The following RIMBP2 variants were observed in gnomAD, a reference collection of about 807,000 sequenced individuals.
The protein encoded by RIMBP2 is RIMS-binding protein 2.
Under a neutral mutation model 118.6 loss-of-function variants are expected in RIMBP2, and 48 were observed. That is an observed-to-expected ratio of 0.40 (90% CI 0.32 to 0.51). RIMBP2 has a LOEUF of 0.51. RIMBP2 is among the 20% of genes least tolerant of loss of function. RIMBP2 has a pLI of 0.41. For missense variants in RIMBP2, 1,551 were observed against 1,768.3 expected (o/e 0.88, Z 2.20); for synonymous variants, 762 against 742.9 (o/e 1.03, Z -0.42).
intron 2 of RIMBP2, among the ~76,000 whole-genome samples, chr12:130,568,944 A>T (rs1284554358): frequency 6.6e-6 from 1 of 152,136 alleles, no homozygotes; most frequent in Non-Finnish European, 1.5e-5. Flanking sequence ...CTCCTCACAC[A>T]GCCATTGTAA....
rs2076344119 is a variant in RIMBP2, at chr12:130,420,422, G to A, written c.3238+2031C>T. 6.6e-6 allele frequency among the ~76,000 whole-genome samples: 1 copy of A among 152,160 alleles called. No individual in the cohort carries two copies. Among genetic ancestry groups the A allele is most frequent in the South Asian group, 2.1e-4 (1 of 4,824 alleles). On this transcript the variant is annotated intron_variant, in intron 17 of 22. Transcript: ENST00000690449. This position sits in a 1 kb window ranked among gnomAD's most constrained non-coding sequence, Gnocchi z 4.3. The stretch of plus-strand genomic sequence containing the variant: ...CTTGTTAAGGTGTTGACATAGATTT[G>A]CTCTTTCACCCAATTTAACAAGTGT...
chr12:130,639,109 C>T (rs771449635), intron 1 of RIMBP2, among the ~76,000 whole-genome samples: 13 of 152,118 alleles, frequency 8.5e-5, no homozygotes, highest in African/African-American at 1.7e-4. Flanking sequence ...AAAGCCTGGC[C>T]GGGCACGGTG....
chr12:130,691,803 T>A (rs1046633688), intron 1 of RIMBP2, among the ~76,000 whole-genome samples: 2 of 152,180 alleles, frequency 1.3e-5, no homozygotes, highest in Non-Finnish European at 2.9e-5. Context: ...GTTCAGATGA[T>A]GTGCAAAATT....
rs1302820542 is a variant in RIMBP2 at position 130,587,752 on chromosome 12, C to T, written c.-217+40570G>A. The stretch of plus-strand genomic sequence containing the variant: ...CTAGATGACGAGTTAGTGGGTGCAG[C>T]GCACCAGCCTGGCACATGTATACAT... On this transcript the variant is annotated intron_variant, in intron 2 of 22. Transcript: ENST00000690449. Among the ~76,000 whole-genome samples, 8 of 135,708 alleles carry T rather than the reference C, an allele frequency of 5.9e-5. No homozygotes were observed. The Admixed American group carries it at 6.0e-4, about 10-fold the overall frequency. 89.0% of individuals were successfully genotyped at this position (135,708 alleles called of 152,430 possible).
chr12:130,478,124 C>A (rs1206226007), intron 5 of RIMBP2, among the ~76,000 whole-genome samples: 2 of 152,186 alleles, frequency 1.3e-5, no homozygotes, highest in Non-Finnish European at 2.9e-5. Context: ...CTTTCTCAGT[C>A]CCCAGACCCA....
chr12:130,642,908 G>T (rs551340821), intron 1 of RIMBP2, among the ~76,000 whole-genome samples: 26 of 152,294 alleles, frequency 1.7e-4, no homozygotes, highest in African/African-American at 6.3e-4. Flanking sequence ...CACTGAGAGA[G>T]GGGCTAGAAG....
intron 1 of RIMBP2, among the ~76,000 whole-genome samples, chr12:130,645,937 G>A (rs1026634448): frequency 6.6e-6 from 1 of 152,118 alleles, no homozygotes; most frequent in African/African-American, 2.4e-5. Context: ...TCACTGAATA[G>A]CTTTGTTTGC....
At chr12:130,603,564 A>C (rs2059991301) in intron 2 of RIMBP2, among the ~76,000 whole-genome samples, 1 of 152,248 alleles carries the variant, frequency 6.6e-6, no homozygotes, top group South Asian at 2.1e-4. Flanking sequence ...CCATGTTTTT[A>C]TGGAGACTGA....
intron 11 of RIMBP2, among the ~76,000 whole-genome samples, chr12:130,440,393 G>C (rs374514509): frequency 5.9e-5 from 9 of 152,178 alleles, no homozygotes; most frequent in African/African-American, 2.2e-4. Context: ...CTCCAACACA[G>C]ACACGTCCCT....
chr12:130,482,746 T>C (rs60530467), intron 4 of RIMBP2, among the ~76,000 whole-genome samples: 5,016 of 145,984 alleles, frequency 0.034, 324 homozygotes, highest in African/African-American at 0.13. Flanking sequence ...ACACCCATTG[T>C]GTGTGTACAT....
intron 15 of RIMBP2, chr12:130,426,621 G>C (rs1289940197): frequency 6.6e-6 from 1 of 152,284 alleles, no homozygotes; most frequent in South Asian, 2.1e-4. Flanking sequence ...GTGGATGGGA[G>C]AGGGAGGCTG....
At chr12:130,491,807 G>A (rs542559386) in intron 4 of RIMBP2, among the ~76,000 whole-genome samples, 41 of 152,304 alleles carry the variant, frequency 2.7e-4, no homozygotes, top group Non-Finnish European at 4.0e-4. Flanking sequence ...AGGATTATGC[G>A]CCACGGCCAA....
rs562596111 is a variant in RIMBP2 at position 130,578,865 on chromosome 12, C to T, written c.-217+49457G>A. On this transcript the variant is annotated intron_variant, in intron 2 of 22. Transcript: ENST00000690449. This position sits in a 1 kb window ranked among gnomAD's most constrained non-coding sequence, Gnocchi z 4.1. ...AGATGTGCACCAAACATAACTAATGCTCCCAGTGGTGTCTGACACCGTCTT... is the reference window on the plus strand; with the variant it reads ...AGATGTGCACCAAACATAACTAATGTTCCCAGTGGTGTCTGACACCGTCTT... 1.3e-5 allele frequency among the ~76,000 whole-genome samples: 2 copies of T among 152,306 alleles called. No individual in the cohort carries two copies. The highest frequency in any genetic ancestry group is 6.5e-5 in the Admixed American group (1 of 15,296).
Position 130,696,052 on chromosome 12 carries a change from G to A in RIMBP2, c.-352+20170C>T, listed in dbSNP as rs577834030. 3.6e-3 allele frequency among the ~76,000 whole-genome samples: 544 copies of A among 152,322 alleles called. 4 individuals carry two copies. The highest frequency in any genetic ancestry group is 0.012 in the African/African-American group (515 of 41,564). ...GTGCATTGGGTCACCAAGGGGAGAT[G>A]CTACATGGGCAACTGATCACCTACT... On this transcript the variant is annotated intron_variant, in intron 1 of 22. Transcript: ENST00000690449.
In RIMBP2 at chr12:130,451,194, C is replaced by T. The variant is rs1451846888; in HGVS notation, c.504+1G>A. On this transcript the variant is annotated splice_donor_variant, in intron 8 of 22. Coordinates refer to ENST00000690449, the MANE Select transcript of RIMBP2 (RefSeq NM_001393629.1). LOFTEE classifies it high-confidence loss of function. ...GGCAGCCCCTGCGGGACGGGACTCA[C>T]GTCTGACTCAGATCTGCATCTTGCG... The T allele has an allele frequency of 6.2e-7, 1 of 1,613,448 alleles. No individual in the cohort carries two copies. The highest frequency in any genetic ancestry group is 8.5e-7 in the Non-Finnish European group (1 of 1,179,654).
At position 130,441,966 on chromosome 12, in the gene RIMBP2, C is replaced by A; in HGVS notation, c.1386G>T (p.Arg462Ser). The A allele has an allele frequency of 6.2e-7, 1 of 1,614,128 alleles. No individual in the cohort carries two copies. Among genetic ancestry groups the A allele is most frequent in the Non-Finnish European group, 8.5e-7 (1 of 1,180,042 alleles). ...CCTTCACCTTATAGGCCATGTTGGG[C>A]CTGAGATTGAAGAACTGGTACTTGT... ...ARYKYQFFNL[R>S]PNMAYKVKVL... The change falls in exon 11 of 23, where the codon AGG (arginine) becomes AGT (serine). Residue 462 changes from arginine (R) to serine (S), a missense_variant. Arg to Ser is a moderately radical substitution (Grantham distance 110, BLOSUM62 -1). Around this residue, in one of 5 missense-constraint regions of RIMBP2, gnomAD observed 265 missense variants for 349.5 expected, o/e 0.76. Transcript: ENST00000690449.
At chr12:130,664,340 T>C (rs1449430272) in intron 1 of RIMBP2, among the ~76,000 whole-genome samples, 1 of 149,498 alleles carries the variant, frequency 6.7e-6, no homozygotes, top group East Asian at 2.0e-4. Context: ...GACACAGAAA[T>C]ACACACACAC....
chr12:130,646,149 G>C (rs12824778), intron 1 of RIMBP2, among the ~76,000 whole-genome samples: 3,251 of 8,332 alleles, frequency 0.39, 489 homozygotes, highest in East Asian at 0.43. Context: ...CTCACCACCT[G>C]CCTCTCCACC....
chr12:130,539,055 C>G (rs959864366), intron 2 of RIMBP2, among the ~76,000 whole-genome samples: 7 of 152,196 alleles, frequency 4.6e-5, no homozygotes, highest in Non-Finnish European at 1.0e-4. Flanking sequence ...GAAAATATGG[C>G]CTGCAGGCCA....
Sources: gnomAD v4.1 joint callset for allele counts (sites outside exome capture counted in the v4.1 genomes callset) on GRCh38, gnomAD v4.1.1 for gene constraint, gnomAD v4.1.1 regional missense constraint, Gnocchi (gnomAD v3.1) non-coding constraint, MANE v1.5 for transcripts, NCBI Gene and HGNC (gene_info 2026-07-23, HGNC 2026-07-21) for gene names.